RIMS2: variants seen among roughly 807,000 people sequenced by gnomAD.
The protein encoded by RIMS2 is regulating synaptic membrane exocytosis protein 2.
Under a neutral mutation model 174.4 loss-of-function variants are expected in RIMS2, and 59 were observed. The observed-to-expected ratio is 0.34, with a 90% confidence interval of 0.27 to 0.42. The LOEUF (loss-of-function observed/expected upper bound fraction) is 0.42, where lower values mean the gene tolerates loss of function less well. RIMS2 is among the 10% of genes least tolerant of loss of function. The probability of loss-of-function intolerance (pLI) is 1.00; values close to 1 mark genes in which losing one functional copy is unlikely to be tolerated. For missense variants in RIMS2, 1,620 were observed against 1,666.3 expected, an observed-to-expected ratio of 0.97 and a Z score of 0.48; for synonymous variants, 606 against 572.5, an observed-to-expected ratio of 1.06 and a Z score of -0.84.
At chr8:103,652,851 T>A in intron 1 of RIMS2, 141 bp downstream of exon 3, 1 of 355,542 alleles carries the variant, frequency 2.8e-6, no homozygotes, top group Admixed American at 3.7e-5. Context: ...CTGTTACCCT[T>A]AATGAAAATC....
chr8:103,878,887 C>A (rs1057327104), intron 3 of RIMS2, among the ~76,000 whole-genome samples: 1 of 147,074 alleles, frequency 6.8e-6, no homozygotes, highest in Non-Finnish European at 1.5e-5. Flanking sequence ...ATCTGATTCA[C>A]AGAATCTTTT....
At chr8:103,768,771 A>G (rs950580090) in intron 3 of RIMS2, 2 of 740,880 alleles carry the variant, frequency 2.7e-6, no homozygotes, top group African/African-American at 1.7e-5. Context: ...CTTTAAACAA[A>G]GAAGGTAAGA....
chr8:103,875,711 ATTTACATTTCCACCAGTGGTGTATAAGTG>A (rs2099133097), intron 3 of RIMS2, among the ~76,000 whole-genome samples: 1 of 152,016 alleles, frequency 6.6e-6, no homozygotes, highest in Non-Finnish European at 1.5e-5. Context: ...GGCTGTACTA[ATTTACATTTCCACCAGTGGTGTATAAGTG>A]TTCCATTTTC....
At position 104,215,319 on chromosome 8, in the gene RIMS2, G is replaced by A. The variant is rs541888573; in HGVS notation, c.3335-29597G>A. On this transcript the variant is annotated intron_variant, in intron 19 of 23. Transcript: ENST00000504942. ...AAGCTTGGCTAGTAATGAAAAAAAG[G>A]AACAAGTAAGAATTAGACTTTAATT... Among the ~76,000 whole-genome samples, 58 of 152,230 alleles carry A rather than the reference G, an allele frequency of 3.8e-4. No individual in the cohort carries two copies. In the Middle Eastern group the frequency reaches 0.014, roughly 36 times the overall value.
At chr8:103,998,575 T>TA (rs1326335575) in intron 17 of RIMS2, among the ~76,000 whole-genome samples, 2 of 151,722 alleles carry the variant, frequency 1.3e-5, no homozygotes, top group African/African-American at 4.8e-5. Context: ...TCCAGTTGAC[T>TA]ACTCACCTTC....
chr8:103,893,810 C>T (rs901650450), intron 4 of RIMS2, among the ~76,000 whole-genome samples: 1 of 151,974 alleles, frequency 6.6e-6, no homozygotes, highest in Non-Finnish European at 1.5e-5. Flanking sequence ...ATGTTGTGCT[C>T]TCATTGCTTT....
intron 2 of RIMS2, among the ~76,000 whole-genome samples, chr8:103,718,676 G>T (rs539797580): frequency 1.3e-5 from 2 of 151,814 alleles, no homozygotes; most frequent in African/African-American, 4.8e-5. Context: ...TTTTGTGGGG[G>T]TGGGGAGGGA....
chr8:103,763,897 G>A (rs1462816428), intron 2 of RIMS2, among the ~76,000 whole-genome samples: 1 of 152,176 alleles, frequency 6.6e-6, no homozygotes, highest in Non-Finnish European at 1.5e-5. Flanking sequence ...CCAGTCTGAG[G>A]AGCATACTTG....
At chr8:104,051,375 G>C (rs920873653) in intron 19 of RIMS2, among the ~76,000 whole-genome samples, 4 of 152,080 alleles carry the variant, frequency 2.6e-5, no homozygotes, top group African/African-American at 9.7e-5. Flanking sequence ...AATACATTAT[G>C]TTGCATAACT....
chr8:103,715,672 C>T (rs1033033509), intron 2 of RIMS2, among the ~76,000 whole-genome samples: 1 of 152,062 alleles, frequency 6.6e-6, no homozygotes, highest in African/African-American at 2.4e-5. Flanking sequence ...TATGTATTTT[C>T]TCATTTTATT....
intron 2 of RIMS2, among the ~76,000 whole-genome samples, chr8:103,757,673 A>G (rs1290573332): frequency 6.6e-6 from 1 of 152,204 alleles, no homozygotes; most frequent in Non-Finnish European, 1.5e-5. Flanking sequence ...AACAACATGC[A>G]GGTGTGATAC....
intron 15 of RIMS2, among the ~76,000 whole-genome samples, chr8:103,965,498 A>G (rs1042507121): frequency 6.6e-6 from 1 of 152,152 alleles, no homozygotes; most frequent in Non-Finnish European, 1.5e-5. Context: ...ATATCCTACA[A>G]CATTTCTATA....
At chr8:104,127,251 C>T (rs969830489) in intron 19 of RIMS2, among the ~76,000 whole-genome samples, 11 of 152,116 alleles carry the variant, frequency 7.2e-5, no homozygotes, top group Admixed American at 4.6e-4. Flanking sequence ...ACGTTGGCCA[C>T]TTACAGCTGT....
At chr8:103,956,685 G>A (rs946329637) in intron 14 of RIMS2, among the ~76,000 whole-genome samples, 4 of 152,136 alleles carry the variant, frequency 2.6e-5, no homozygotes, top group Admixed American at 6.5e-5. Context: ...CAGGACATTG[G>A]CATGGGCAAA....
At chr8:103,557,714 C>T (rs2090752748) in intron 1 of RIMS2, among the ~76,000 whole-genome samples, 1 of 152,104 alleles carries the variant, frequency 6.6e-6, no homozygotes, top group Admixed American at 6.6e-5. Flanking sequence ...TTTTATTCAA[C>T]ACTTTTCACT....
chr8:103,763,764 A>G (rs1246671858), intron 2 of RIMS2, among the ~76,000 whole-genome samples: 1 of 152,196 alleles, frequency 6.6e-6, no homozygotes, highest in Non-Finnish European at 1.5e-5. Context: ...AGGAAAATTA[A>G]GCTGATAGTG....
chr8:103,564,252 A>G (rs2092035550), intron 1 of RIMS2, among the ~76,000 whole-genome samples: 1 of 152,190 alleles, frequency 6.6e-6, no homozygotes, highest in East Asian at 1.9e-4. Context: ...AAACAACTCC[A>G]TCAGATTCTG....
rs745754491 is a variant in RIMS2, at chr8:103,885,803, G to C, written c.1204G>C (p.Ala402Pro). ...GCAAAGATCTATATCAGAACGTAGA[G>C]CTGCCATGGAAAATCAGCGATCTTA... Residue 402 changes from alanine to proline, a missense_variant, in exon 4 of 24, where the codon GCT becomes CCT. Transcript: ENST00000504942. The C allele has an allele frequency of 2.0e-5, 33 of 1,612,796 alleles. No individual in the cohort carries two copies. Among genetic ancestry groups the C allele is most frequent in the Admixed American group, 1.2e-4 (7 of 59,804 alleles).
In RIMS2 at chr8:104,209,836, T is replaced by C. The variant is rs78189631; in HGVS notation, c.3335-35080T>C. Among the ~76,000 whole-genome samples, 1,344 of 152,320 alleles carry C rather than the reference T, an allele frequency of 8.8e-3. 17 individuals carry two copies. Among genetic ancestry groups the C allele is most frequent in the African/African-American group, 0.031 (1,297 of 41,574 alleles). The stretch of plus-strand genomic sequence containing the variant: ...TTGCAGTTATACTGATTTGACTCAA[T>C]AGTTAGACTTGAGTAGTAGAAAAAG... On this transcript the variant is annotated intron_variant, in intron 19 of 23. Coordinates refer to ENST00000504942, the Ensembl canonical transcript of RIMS2.
Sources: gnomAD v4.1 joint callset for allele counts (sites outside exome capture counted in the v4.1 genomes callset) on GRCh38, gnomAD v4.1.1 for gene constraint, MANE v1.5 for transcripts, NCBI Gene and HGNC (gene_info 2026-07-23, HGNC 2026-07-21) for gene names.